MACF1: variants seen among roughly 807,000 people sequenced by gnomAD.
MACF1 encodes the protein microtubule actin crosslinking factor 1, also known as microtubule-actin cross-linking factor 1.
Under a neutral mutation model 854.8 loss-of-function variants are expected in MACF1, and 193 were observed. The observed-to-expected ratio is 0.23, with a 90% CI of 0.20 to 0.25. The LOEUF (loss-of-function observed/expected upper bound fraction) is 0.25. Ranked by LOEUF, MACF1 falls within the 10% of genes least tolerant of loss-of-function variation. The pLI is 1.00. For synonymous variants in MACF1, 3,185 were observed against 3,226.7 expected, an observed-to-expected ratio of 0.99 and a Z score of 0.44; for missense variants, 7,722 against 8,929.1, an observed-to-expected ratio of 0.86 and a Z score of 5.45.
Position 39,452,296 on chromosome 1 carries a change from T to A in MACF1, c.20559T>A (p.Thr6853=), listed in dbSNP as rs777761574. 2 of 1,614,106 alleles carry A rather than the reference T, an allele frequency of 1.2e-6. No individual in the cohort carries two copies. The highest frequency in any genetic ancestry group is 4.5e-5 in the East Asian group (2 of 44,890). The stretch of plus-strand genomic sequence containing the variant: ...AGGAACTGAGCACTCGCTGGGACAC[T>A]GTCTGTAAACTCTCTGTTTCCAAAC... ...QLQELSTRWD[T]VCKLSVSKQS... Residue 6853 remains threonine, a synonymous_variant, in exon 86 of 101, where the codon ACT becomes ACA. Transcript: ENST00000564288.
intron 68 of MACF1, among the ~76,000 whole-genome samples, chr1:39,433,946 A>G (rs1293195399): frequency 6.6e-6 from 1 of 152,086 alleles, no homozygotes; most frequent in Non-Finnish European, 1.5e-5. Context: ...TGGATGTGGC[A>G]GTGGGAACCT....
intron 52 of MACF1, among the ~76,000 whole-genome samples, chr1:39,377,863 G>A (rs563162436): frequency 6.6e-6 from 1 of 152,142 alleles, no homozygotes; most frequent in East Asian, 1.9e-4. Flanking sequence ...AATTAGCCGG[G>A]CCTGGTGGCA....
At chr1:39,454,255 T>C (rs1644393081) in intron 88 of MACF1, among the ~76,000 whole-genome samples, 1 of 152,218 alleles carries the variant, frequency 6.6e-6, no homozygotes, top group Admixed American at 6.5e-5. Context: ...AAATACAGTA[T>C]TCACGGGAAG....
intron 44 of MACF1, among the ~76,000 whole-genome samples, chr1:39,354,473 C>A (rs1282483596): frequency 6.6e-6 from 1 of 152,070 alleles, no homozygotes. Context: ...GGCACGATCC[C>A]AGCTCACCGC....
chr1:39,395,513 C>T (rs371923861), intron 58 of MACF1, among the ~76,000 whole-genome samples: 1 of 152,170 alleles, frequency 6.6e-6, no homozygotes, highest in African/African-American at 2.4e-5. Flanking sequence ...CTGGAATTTA[C>T]GTACAGTTGT....
intron 40 of MACF1, among the ~76,000 whole-genome samples, chr1:39,342,105 A>G (rs1047826379): frequency 3.0e-5 from 4 of 133,756 alleles, no homozygotes; most frequent in Admixed American, 1.7e-4. Context: ...CCTAGTATCC[A>G]TGTGTTCTTG....
At chr1:39,254,210 T>A in intron 4 of MACF1, 88 bp from the exon 5 acceptor site, 1 of 1,083,754 alleles carries the variant, frequency 9.2e-7, no homozygotes, top group Non-Finnish European at 1.4e-6. Context: ...TCTTGTGTGG[T>A]CCTTTAGTCC....
chr1:39,413,114 G>T (rs776856717), intron 58 of MACF1: 58 of 1,608,942 alleles, frequency 3.6e-5, no homozygotes, highest in Non-Finnish European at 4.8e-5. Flanking sequence ...GCTGTCGCAG[G>T]GTTCTCCCCA....
At position 39,387,944 on chromosome 1, in the gene MACF1, G is replaced by A. The variant is rs772742836; in HGVS notation, c.15102G>A (p.Glu5034=). 24 of 1,613,952 alleles carry A rather than the reference G, an allele frequency of 1.5e-5. No homozygotes were observed. The highest frequency in any genetic ancestry group is 5.3e-5 in the African/African-American group (4 of 74,900). ...KKVEGAKHQL[E]IFDALGSQAC... Reference sequence around the variant, plus strand: ...TTGAAGGAGCCAAACACCAACTTGAGATCTTTGATGCTCTGGGTTCTCAAG... The same window carrying A: ...TTGAAGGAGCCAAACACCAACTTGAAATCTTTGATGCTCTGGGTTCTCAAG... The change falls in exon 58 of 101, where the codon GAG becomes GAA. Residue 5034 remains glutamate, a synonymous_variant. Coordinates refer to ENST00000564288, the MANE Select transcript of MACF1 (RefSeq NM_001394062.1).
chr1:39,243,291 C>T (rs943258872), intron 2 of MACF1, among the ~76,000 whole-genome samples: 3 of 152,090 alleles, frequency 2.0e-5, no homozygotes, highest in African/African-American at 7.2e-5. Context: ...CAGGCAAGGC[C>T]CTGAATTGCA....
chr1:39,234,216 G>C (rs1449659566), intron 2 of MACF1, among the ~76,000 whole-genome samples: 5 of 151,976 alleles, frequency 3.3e-5, no homozygotes, highest in Non-Finnish European at 7.4e-5. Context: ...GCAACCATCC[G>C]ATTTCTCAAT....
chr1:39,357,451 A>G lies in MACF1; in HGVS notation c.11501A>G (p.Gln3834Arg), dbSNP rs904593716. The G allele has an allele frequency of 5.0e-6, 8 of 1,614,084 alleles. No homozygotes were observed. In the African/African-American group the frequency reaches 9.3e-5, roughly 19 times the overall value. The change falls in exon 45 of 101, where the codon CAG (glutamine) becomes CGG (arginine). Residue 3834 changes from glutamine (Q) to arginine (R), a missense_variant. Physicochemically the swap from Gln to Arg is conservative, Grantham distance 43. Transcript: ENST00000564288. ...CAGTCAGCTCAGGCCTTCTTGGATCAGCATGGCCACAATCTCACACCTGAG... is the reference window on the plus strand; with the variant it reads ...CAGTCAGCTCAGGCCTTCTTGGATCGGCATGGCCACAATCTCACACCTGAG... ...ATQSAQAFLDQHGHNLTPEEQ... is the reference protein window; with the variant it reads ...ATQSAQAFLDRHGHNLTPEEQ...
intron 1 of MACF1, among the ~76,000 whole-genome samples, chr1:39,207,870 A>C (rs1644469936): frequency 6.6e-6 from 1 of 152,022 alleles, no homozygotes; most frequent in African/African-American, 2.4e-5. Context: ...GTGGTGGCTC[A>C]CACCTGTAAT....
chr1:39,357,872 A>T lies in MACF1; in HGVS notation c.11922A>T (p.Arg3974Ser). The change falls in exon 45 of 101, where the codon AGA (arginine) becomes AGT (serine). Residue 3974 changes from arginine to serine, a missense_variant. Coordinates refer to ENST00000564288, the MANE Select transcript of MACF1 (RefSeq NM_001394062.1). ...VKDKLKDATE[R>S]YTALHSKCTR... is the part of the protein sequence containing the mutation. ...ACAAGTTGAAGGATGCAACAGAAAG[A>T]TACACTGCTCTCCACTCAAAGGTAA... 6.2e-7 allele frequency: 1 copy of T among 1,612,946 alleles called. No individual in the cohort carries two copies.
In MACF1 at chr1:39,347,190, G is replaced by T; in HGVS notation, c.10795G>T (p.Glu3599Ter). 6.2e-7 allele frequency: 1 copy of T among 1,613,590 alleles called. No homozygotes were observed. The highest frequency in any genetic ancestry group is 1.1e-5 in the South Asian group (1 of 90,930). The change falls in exon 41 of 101, where the codon GAG (glutamate) becomes TAG (stop). Residue 3599 changes from glutamate (E) to a stop codon, truncating the protein, a stop_gained. Transcript: ENST00000564288. LOFTEE classifies it high-confidence loss of function. ...CTTGCAGGGCCATCTTCAACAAATGGAGCAGGAAGCCCTGGTGAAGGTCAG... is the reference window on the plus strand; with the variant it reads ...CTTGCAGGGCCATCTTCAACAAATGTAGCAGGAAGCCCTGGTGAAGGTCAG... ...DALQGHLQQM[E>*]QEALVKTLQK... is the part of the protein sequence containing the mutation.
intron 35 of MACF1, among the ~76,000 whole-genome samples, chr1:39,326,024 T>G (rs1646602975): frequency 1.3e-5 from 2 of 152,142 alleles, no homozygotes; most frequent in African/African-American, 4.8e-5. Context: ...TTGATTGATT[T>G]GGGGTTGGGC....
rs562713086 is a variant in MACF1 at position 39,464,818 on chromosome 1, G to A, written c.21754-277G>A. On this transcript the variant is annotated intron_variant, in intron 94 of 100. Transcript: ENST00000564288. Reference sequence around the variant, plus strand: ...AATCCCAACTACTAGGGAGGCTGAGGCAGGAGAATTGCTTGAACGCCGGGG... The same window carrying A: ...AATCCCAACTACTAGGGAGGCTGAGACAGGAGAATTGCTTGAACGCCGGGG... 452 of 393,664 alleles carry A rather than the reference G, an allele frequency of 1.1e-3. 2 individuals are homozygous for A. The highest frequency in any genetic ancestry group is 4.0e-3 in the Middle Eastern group (5 of 1,246). The allele number at this position is 393,664 out of a possible 1,614,324, so 24.4% of individuals were successfully genotyped here.
intron 66 of MACF1, among the ~76,000 whole-genome samples, chr1:39,431,783 G>A (rs1017296958): frequency 1.0e-5 from 1 of 96,682 alleles, no homozygotes; most frequent in African/African-American, 4.2e-5. Context: ...AGACCAGCCT[G>A]GGCAACATAA....
rs1011165910 is a variant in MACF1, at chr1:39,084,491, G to A, written c.220+53G>A. ...CGCTGTGGGTGTGAGGGAGGAATGG[G>A]CCAGGGCACAGCAGCTGTGTGGGGA... On this transcript the variant is annotated intron_variant, in intron 2 of 93. Transcript: ENST00000361689. This position sits in a 1 kb window ranked among gnomAD's most constrained non-coding sequence, Gnocchi z 5.2. The A allele has an allele frequency of 2.6e-5, 39 of 1,508,656 alleles. No homozygotes were observed. Among genetic ancestry groups the A allele is most frequent in the East Asian group, 2.4e-4 (10 of 42,164 alleles). 93.5% of individuals were successfully genotyped at this position (1,508,656 alleles called of 1,614,324 possible).
Sources: allele counts gnomAD v4.1 joint callset (sites outside exome capture counted in the v4.1 genomes callset), GRCh38; gene constraint gnomAD v4.1.1; non-coding constraint Gnocchi (gnomAD v3.1); transcripts MANE v1.5; gene names NCBI Gene and HGNC (gene_info 2026-07-23, HGNC 2026-07-21).